Variants in PEPD observed in about 807,000 individuals in gnomAD.
PEPD encodes peptidase D, also known as xaa-Pro dipeptidase.
PEPD carries 53 observed loss-of-function variants against 60.7 expected under a neutral mutation model. The ratio of observed to expected loss-of-function variants is 0.87; its 90% CI spans 0.70 to 1.10. PEPD has a LOEUF of 1.10. Among genes scored for constraint, PEPD ranks in the 50% least tolerant of loss-of-function variants. The pLI is 0.00. For synonymous variants in PEPD, 267 were observed against 284.1 expected (o/e 0.94, Z 0.60); for missense variants, 711 against 711.9 (o/e 1.00, Z 0.01).
rs2303101 is a variant in PEPD at position 33,387,753 on chromosome 19, G to C, written c.1344+137C>G. The C allele has an allele frequency of 4.8e-4, 391 of 822,108 alleles. 6 individuals are homozygous for C. In the East Asian group the frequency reaches 0.01, roughly 22 times the overall value. 50.9% of individuals were successfully genotyped at this position (822,108 alleles called of 1,614,324 possible). A position where few individuals can be genotyped will look rare whatever the true frequency, so the allele number is the denominator to read the frequency against. ...AGGGGTGAGGCTCCATCCTGTGACAGACCACACGAAGGGGCAGGCTAAGCC... is the reference window on the plus strand; with the variant it reads ...AGGGGTGAGGCTCCATCCTGTGACACACCACACGAAGGGGCAGGCTAAGCC... On this transcript the variant is annotated intron_variant, in intron 14 of 14. Transcript: ENST00000244137.
At chr19:33,430,328 G>A (rs1034331342) in intron 9 of PEPD, among the ~76,000 whole-genome samples, 4 of 152,290 alleles carry the variant, frequency 2.6e-5, no homozygotes, top group South Asian at 4.2e-4. Flanking sequence ...TTTGACACCC[G>A]AGAGACGGCG....
At chr19:33,445,326 G>T (rs1910522972) in intron 9 of PEPD, among the ~76,000 whole-genome samples, 1 of 152,200 alleles carries the variant, frequency 6.6e-6, no homozygotes, top group Non-Finnish European at 1.5e-5. Flanking sequence ...ATTTTAATCA[G>T]CTCAACAGTG....
At chr19:33,392,252 G>A (rs899163206) in intron 12 of PEPD, among the ~76,000 whole-genome samples, 1 of 152,198 alleles carries the variant, frequency 6.6e-6, no homozygotes, top group Admixed American at 6.5e-5. Flanking sequence ...ACAGAGCTTT[G>A]GGGGCCACAC....
intron 9 of PEPD, among the ~76,000 whole-genome samples, chr19:33,435,715 C>T (rs1253781724): frequency 2.6e-5 from 4 of 152,200 alleles, no homozygotes; most frequent in African/African-American, 7.2e-5. Context: ...CTCGTATGGC[C>T]GTTAGTTCTC....
rs372530277 is a variant in PEPD at position 33,387,393 on chromosome 19, C to T, written c.1433G>A (p.Cys478Tyr). Residue 478 changes from cysteine to tyrosine, a missense_variant, in exon 15 of 15, where the codon TGC (cysteine) becomes TAC (tyrosine). Physicochemically the swap from Cys to Tyr is radical, Grantham distance 194. Transcript: ENST00000244137. ...AAAGGCCTTGTCACAGCCTGCCATG[C>T]ATGCTTCAATCTCTTCCACAGTGCG... ...VPRTVEEIEA[C>Y]MAGCDKAFTP... 1.9e-6 allele frequency: 3 copies of T among 1,613,994 alleles called. No individual in the cohort carries two copies. The highest frequency in any genetic ancestry group is 2.5e-6 in the Non-Finnish European group (3 of 1,180,060).
chr19:33,438,392 C>T (rs920019236), intron 9 of PEPD, among the ~76,000 whole-genome samples: 3 of 152,244 alleles, frequency 2.0e-5, no homozygotes, highest in Non-Finnish European at 4.4e-5. Flanking sequence ...CTTGTGGTTG[C>T]CAGAAAATGC....
intron 6 of PEPD, 32 bp downstream of exon 6, chr19:33,489,964 G>A (rs375798214): frequency 1.2e-4 from 162 of 1,388,054 alleles, no homozygotes; most frequent in South Asian, 3.5e-4. Flanking sequence ...GGGGGATGGT[G>A]GGGAAAGAGT....
intron 9 of PEPD, among the ~76,000 whole-genome samples, chr19:33,458,443 A>T (rs1341031417): frequency 6.9e-6 from 1 of 144,598 alleles, no homozygotes; most frequent in African/African-American, 2.6e-5. Flanking sequence ...AGTATGTGGT[A>T]TATGTGTGGT....
chr19:33,514,452 G>A (rs184491226), intron 1 of PEPD, among the ~76,000 whole-genome samples: 43 of 152,022 alleles, frequency 2.8e-4, no homozygotes, highest in Middle Eastern at 3.4e-3. Context: ...ACCTTTTCCG[G>A]ATGGTCTTCC....
At chr19:33,480,359 A>G (rs1970290731) in intron 6 of PEPD, among the ~76,000 whole-genome samples, 1 of 152,262 alleles carries the variant, frequency 6.6e-6, no homozygotes, top group Non-Finnish European at 1.5e-5. Flanking sequence ...TAAAACAATT[A>G]CAAATATATG....
At position 33,401,503 on chromosome 19, in the gene PEPD, C is replaced by T. The variant is rs889138; in HGVS notation, c.967+218G>A. Among the ~76,000 whole-genome samples the T allele has an allele frequency of 0.52, 78,872 of 152,082 alleles. 22,609 individuals carry two copies. Among genetic ancestry groups the T allele is most frequent in the African/African-American group, 0.78 (32,264 of 41,498 alleles). On this transcript the variant is annotated intron_variant, in intron 12 of 14. Coordinates refer to ENST00000244137, the MANE Select transcript of PEPD (RefSeq NM_000285.4). ...GACCGGGGAGCCTTGGCCTGAGCCC[C>T]GCAATTCCTGGTTCTGTCTGTCCCT...
intron 11 of PEPD, among the ~76,000 whole-genome samples, chr19:33,411,467 C>A (rs1045633357): frequency 2.8e-4 from 42 of 152,198 alleles, no homozygotes; most frequent in African/African-American, 1.0e-3. Flanking sequence ...TCAGTGCTCC[C>A]TGGGGGGTGC....
rs36023895 is a variant in PEPD at position 33,393,917 on chromosome 19, A to AG, written c.968-2439dup. Among the ~76,000 whole-genome samples, 420 of 152,302 alleles carry AG rather than the reference A, an allele frequency of 2.8e-3. 2 individuals carry two copies. The highest frequency in any genetic ancestry group is 3.7e-3 in the Admixed American group (56 of 15,304). ...GCCTTGACCTGTGATGCCTCATCCA[A>AG]GGGGTCTCTGCATAAAAGCTGTCCC... On this transcript the variant is annotated intron_variant, in intron 12 of 14. Coordinates refer to ENST00000244137, the MANE Select transcript of PEPD (RefSeq NM_000285.4).
chr19:33,471,237 CTGCTGTGTGCTGGCTT>C (rs1970114632), intron 7 of PEPD, among the ~76,000 whole-genome samples: 1 of 152,186 alleles, frequency 6.6e-6, no homozygotes, highest in Non-Finnish European at 1.5e-5. Context: ...AAATAGACGT[CTGCTGTGTGCTGGCTT>C]AACCAATTAT....
intron 3 of PEPD, among the ~76,000 whole-genome samples, chr19:33,506,252 A>G (rs1446133748): frequency 1.4e-5 from 2 of 139,686 alleles, no homozygotes; most frequent in African/African-American, 5.5e-5. Context: ...CAGCACACTC[A>G]CACCCACTAC....
chr19:33,485,955 G>A (rs936867160), intron 6 of PEPD, among the ~76,000 whole-genome samples: 11 of 152,022 alleles, frequency 7.2e-5, no homozygotes, highest in African/African-American at 2.7e-4. Context: ...GTGCCAAGAA[G>A]GCACCCTCGT....
intron 9 of PEPD, among the ~76,000 whole-genome samples, chr19:33,453,317 A>AAAAAAAAAAAAAAAAT (rs1555762504): frequency 2.0e-5 from 3 of 148,656 alleles, no homozygotes; most frequent in Non-Finnish European, 4.5e-5. Flanking sequence ...CTGTCATAAA[A>AAAAAAAAAAAAAAAAT]AAATAAATAA....
chr19:33,521,778 G>T lies in PEPD; in HGVS notation c.-18C>A. On this transcript the variant is annotated 5_prime_UTR_variant, in exon 1 of 15. Transcript: ENST00000244137. ...GCCGCCATGTTCGCCCGGCACCGGCGTCACGTGAAGTGCGGCGTCAGCTGA... is the reference window on the plus strand; with the variant it reads ...GCCGCCATGTTCGCCCGGCACCGGCTTCACGTGAAGTGCGGCGTCAGCTGA... 6.4e-7 allele frequency: 1 copy of T among 1,569,222 alleles called. No individual in the cohort carries two copies. Among genetic ancestry groups the T allele is most frequent in the Non-Finnish European group, 8.6e-7 (1 of 1,162,492 alleles).
chr19:33,407,209 C>G (rs1268969092), intron 11 of PEPD, among the ~76,000 whole-genome samples: 2 of 152,234 alleles, frequency 1.3e-5, no homozygotes, highest in Non-Finnish European at 2.9e-5. Context: ...CAGCTGCTTT[C>G]CCAACCAGAG....
Sources: allele counts gnomAD v4.1 joint callset (sites outside exome capture counted in the v4.1 genomes callset), GRCh38; gene constraint gnomAD v4.1.1; transcripts MANE v1.5; gene names NCBI Gene and HGNC (gene_info 2026-07-23, HGNC 2026-07-21).